Variants in SMARCA4 observed in about 807,000 individuals in gnomAD.
SMARCA4 encodes the protein SWI/SNF related BAF chromatin remodeling complex subunit ATPase 4, also known as SWI/SNF-related matrix-associated actin-dependent regulator of chromatin subfamily A member 4.
In SMARCA4, 31 loss-of-function variants were observed where a neutral mutation model predicts 193.9. The ratio of observed to expected loss-of-function variants is 0.16; its 90% CI spans 0.12 to 0.22. The LOEUF is 0.22. Ranked by LOEUF, SMARCA4 falls within the 10% of genes least tolerant of loss-of-function variation. SMARCA4 has a pLI of 1.00. For synonymous variants in SMARCA4, 942 were observed against 933.1 expected (o/e 1.01, Z -0.17); for missense variants, 1,148 against 2,296.0 (o/e 0.50, Z 10.22).
At position 10,988,021 on chromosome 19, in the gene SMARCA4, G is replaced by A. The variant is rs2086220012; in HGVS notation, c.1118+97G>A. 4 of 1,289,950 alleles carry A rather than the reference G, an allele frequency of 3.1e-6. No individual in the cohort carries two copies. In the African/African-American group the frequency reaches 4.4e-5, roughly 14 times the overall value. 79.9% of individuals were successfully genotyped at this position (1,289,950 alleles called of 1,614,324 possible). On this transcript the variant is annotated intron_variant, in intron 6 of 34. Coordinates refer to ENST00000344626, the MANE Select transcript of SMARCA4 (RefSeq NM_003072.5). Reference sequence around the variant, plus strand: ...TTTCTCCCCCACTCTAGCAAACAGTGCCCTGTGCCCACCACTGCCACTTGG... The same window carrying A: ...TTTCTCCCCCACTCTAGCAAACAGTACCCTGTGCCCACCACTGCCACTTGG...
Position 11,046,422 on chromosome 19 carries a change from C to G in SMARCA4, c.4424+4862C>G, listed in dbSNP as rs545813463. The stretch of plus-strand genomic sequence containing the variant: ...AGGATGCCTCAGTGGGGGATTTGAT[C>G]TGTGTTTTCAATTTAACCTCACATC... On this transcript the variant is annotated intron_variant, in intron 30 of 34. Coordinates refer to ENST00000344626, the MANE Select transcript of SMARCA4 (RefSeq NM_003072.5). Among the ~76,000 whole-genome samples, 3 of 152,282 alleles carry G rather than the reference C, an allele frequency of 2.0e-5. No homozygotes were observed. In the South Asian group the frequency reaches 6.2e-4, roughly 32 times the overall value.
intron 11 of SMARCA4, among the ~76,000 whole-genome samples, chr19:11,000,880 A>G (rs1037575428): frequency 2.0e-5 from 3 of 150,042 alleles, no homozygotes; most frequent in East Asian, 2.0e-4. Context: ...AAAAAAAGTC[A>G]TGAAGTGGGA....
chr19:10,987,641 G>C lies in SMARCA4; in HGVS notation c.860-25G>C, dbSNP rs565413403. The C allele has an allele frequency of 1.9e-6, 3 of 1,612,684 alleles. No individual in the cohort carries two copies. In the East Asian group the frequency reaches 6.7e-5, roughly 36 times the overall value. ...GATGGGCCCCAGAGCTCAACATGAC[G>C]CCCTGGCCCCTTGCCTTCTCCCAGG... On this transcript the variant is annotated intron_variant, in intron 5 of 34. Coordinates refer to ENST00000344626, the MANE Select transcript of SMARCA4 (RefSeq NM_003072.5). This position sits in a 1 kb window ranked among gnomAD's most constrained non-coding sequence, Gnocchi z 5.3.
At chr19:11,054,445 A>C (rs1174404176) in intron 30 of SMARCA4, among the ~76,000 whole-genome samples, 1 of 152,240 alleles carries the variant, frequency 6.6e-6, no homozygotes, top group Non-Finnish European at 1.5e-5. Context: ...ACCTCGGCCC[A>C]GGATCATCCC....
At chr19:11,006,520 T>G (rs889178995) in intron 13 of SMARCA4, among the ~76,000 whole-genome samples, 2 of 151,266 alleles carry the variant, frequency 1.3e-5, no homozygotes, top group African/African-American at 4.9e-5. Context: ...GGAGGGCAAG[T>G]TGGGTGGATG....
chr19:11,060,181 A>G lies in SMARCA4; in HGVS notation c.4905A>G (p.Gln1635=), dbSNP rs908806258. ...GTGACGATGACAGTGAGGAGGAACA[A>G]GAGGAGGTGAGGCCGGGCCCCCGAG... The part of the protein sequence containing the change: ...VVSDDDSEEE[Q]EEDRSGSGSE... The change falls in exon 34 of 35, where the codon CAA becomes CAG. Residue 1635 remains glutamine (Q), a synonymous_variant. Transcript: ENST00000344626. 6 of 1,550,942 alleles carry G rather than the reference A, an allele frequency of 3.9e-6. No individual in the cohort carries two copies. Among genetic ancestry groups the G allele is most frequent in the Non-Finnish European group, 5.2e-6 (6 of 1,146,672 alleles).
intron 1 of SMARCA4, among the ~76,000 whole-genome samples, chr19:10,973,566 A>C (rs1485177900): frequency 2.7e-5 from 4 of 145,922 alleles, no homozygotes; most frequent in African/African-American, 1.0e-4. Context: ...ACGCCCAGCT[A>C]ATTTTTTTTT....
In SMARCA4 at chr19:11,025,515, C is replaced by G. The variant is rs1242730237; in HGVS notation, c.3168+7C>G. 8 of 1,610,738 alleles carry G rather than the reference C, an allele frequency of 5.0e-6. No homozygotes were observed. The highest frequency in any genetic ancestry group is 5.9e-6 in the Non-Finnish European group (7 of 1,178,218). On this transcript the variant is annotated splice_region_variant and intron_variant, in intron 22 of 34. Coordinates refer to ENST00000344626, the MANE Select transcript of SMARCA4 (RefSeq NM_003072.5). ...CATGTTCCAGCACATCGAGGTGAGC[C>G]CGCCGCGGCTGGGACGGCTCAGGCC...
Position 11,058,199 on chromosome 19 carries a change from TG to T in SMARCA4, c.4425-51del. 3 of 989,756 alleles carry T rather than the reference TG, an allele frequency of 3.0e-6. No homozygotes were observed. The highest frequency in any genetic ancestry group is 1.5e-6 in the Non-Finnish European group (1 of 669,446). 61.3% of individuals were successfully genotyped at this position (989,756 alleles called of 1,614,324 possible). A position where few individuals can be genotyped will look rare whatever the true frequency, so the allele number is the denominator to read the frequency against. On this transcript the variant is annotated intron_variant, in intron 30 of 34. Coordinates refer to ENST00000344626, the MANE Select transcript of SMARCA4 (RefSeq NM_003072.5). This position sits in a 1 kb window ranked among gnomAD's most constrained non-coding sequence, Gnocchi z 5.8. ...AATGTGGGAACCTGCTGAGGTGGGG[TG>T]GGGGCTCCCGGGTGGGCGGACTCGG...
intron 14 of SMARCA4, among the ~76,000 whole-genome samples, chr19:11,009,643 C>A (rs2146217421): frequency 6.6e-6 from 1 of 151,392 alleles, no homozygotes. Context: ...CCTCAGCCTC[C>A]TGAGTAGCTG....
chr19:10,996,102 A>T, intron 9 of SMARCA4, 111 bp from the exon 10 acceptor site: 1 of 1,050,970 alleles, frequency 9.5e-7, no homozygotes, highest in Non-Finnish European at 1.5e-6. Context: ...GTGGCACGGC[A>T]CCCGCGTGAG....
Position 10,987,768 on chromosome 19 carries a change from C to T in SMARCA4, c.962C>T (p.Ala321Val). The T allele has an allele frequency of 6.3e-7, 1 of 1,598,228 alleles. No individual in the cohort carries two copies. Among genetic ancestry groups the T allele is most frequent in the Non-Finnish European group, 8.5e-7 (1 of 1,172,986 alleles). Residue 321 changes from alanine (A) to valine (V), a missense_variant, in exon 6 of 35, where the codon GCC (alanine) becomes GTC (valine). Transcript: ENST00000344626. This position sits in a 1 kb window ranked among gnomAD's most constrained non-coding sequence, Gnocchi z 5.3. Reference protein sequence around the residue: ...PSPAPPAVPPAASPVMPPQTQ... With the variant: ...PSPAPPAVPPVASPVMPPQTQ... Reference sequence around the variant, plus strand: ...CCCGCGCCCCCTGCCGTCCCACCCGCCGCCTCGCCCGTGATGCCACCGCAG... The same window carrying T: ...CCCGCGCCCCCTGCCGTCCCACCCGTCGCCTCGCCCGTGATGCCACCGCAG...
At chr19:11,051,863 T>C (rs1327664275) in intron 30 of SMARCA4, among the ~76,000 whole-genome samples, 10 of 152,020 alleles carry the variant, frequency 6.6e-5, no homozygotes, top group African/African-American at 2.4e-4. Context: ...TTTGGGAGGC[T>C]GAGGCGGGTG....
At chr19:10,970,197 A>G (rs893483879) in intron 1 of SMARCA4, among the ~76,000 whole-genome samples, 1 of 152,140 alleles carries the variant, frequency 6.6e-6, no homozygotes, top group East Asian at 1.9e-4. Context: ...CGGAGGGGCC[A>G]TTGAAGCTGT....
chr19:11,010,986 C>T (rs1188605344), intron 15 of SMARCA4: 2 of 254,842 alleles, frequency 7.8e-6, no homozygotes, highest in South Asian at 4.7e-5. Context: ...ATCTAGGAGC[C>T]GGCAGCCCTG....
intron 1 of SMARCA4, among the ~76,000 whole-genome samples, chr19:10,970,555 C>G (rs1374018773): frequency 6.6e-6 from 1 of 152,176 alleles, no homozygotes; most frequent in African/African-American, 2.4e-5. Flanking sequence ...TACAGGTGTG[C>G]ACCACTGCCA....
chr19:11,055,488 G>A (rs985746106), intron 30 of SMARCA4, among the ~76,000 whole-genome samples: 8 of 151,496 alleles, frequency 5.3e-5, no homozygotes, highest in African/African-American at 1.5e-4. Context: ...GCGCCCAGCC[G>A]CACCTTGTTT....
chr19:10,974,413 A>C (rs1195870375), intron 1 of SMARCA4, among the ~76,000 whole-genome samples: 1 of 145,858 alleles, frequency 6.9e-6, no homozygotes. Context: ...CTTCCTGGGC[A>C]TTTCTTGTGG....
chr19:11,051,582 C>T lies in SMARCA4; in HGVS notation c.4425-6673C>T, dbSNP rs538173415. 7.2e-5 allele frequency among the ~76,000 whole-genome samples: 11 copies of T among 151,874 alleles called. 1 individual carries two copies. The highest frequency in any genetic ancestry group is 2.7e-4 in the African/African-American group (11 of 41,406). On this transcript the variant is annotated intron_variant, in intron 30 of 34. Transcript: ENST00000344626. ...CTCAGCTCACTGCAAATTCTGCCTC[C>T]TGGGTTCAAGCAATTCTCCTGTTTC...
Sources: allele counts gnomAD v4.1 joint callset (sites outside exome capture counted in the v4.1 genomes callset), GRCh38; gene constraint gnomAD v4.1.1; non-coding constraint Gnocchi (gnomAD v3.1); transcripts MANE v1.5; gene names NCBI Gene and HGNC (gene_info 2026-07-23, HGNC 2026-07-21).